The following ENG variants were observed in gnomAD, a reference collection of about 807,000 sequenced individuals.
The protein encoded by ENG is CD105 antigen.
Under a neutral mutation model 71.0 loss-of-function variants are expected in ENG, and 17 were observed. The observed-to-expected ratio is 0.24, with a 90% CI of 0.16 to 0.36. The LOEUF is 0.36. ENG is among the 10% of genes least tolerant of loss of function. The pLI, the probability that ENG is intolerant of heterozygous loss-of-function variation, is 1.00. For synonymous variants in ENG, 360 were observed against 366.9 expected (o/e 0.98, Z 0.21); for missense variants, 749 against 868.3 (o/e 0.86, Z 1.73).
chr9:127,839,413 AG>A (rs1030039972), intron 2 of ENG, among the ~76,000 whole-genome samples: 1 of 152,156 alleles, frequency 6.6e-6, no homozygotes. Flanking sequence ...TCACAGCAGT[AG>A]GGGCTGGCAG....
intron 2 of ENG, among the ~76,000 whole-genome samples, chr9:127,830,660 A>G (rs1186516651): frequency 2.0e-5 from 3 of 151,708 alleles, no homozygotes; most frequent in Admixed American, 1.3e-4. Flanking sequence ...AAAAAAAAAC[A>G]AAAAACAAAC....
Position 127,827,988 on chromosome 9 carries a change from C to T in ENG, c.361-1316G>A, listed in dbSNP as rs184360988. ...GAGGCGAGATGGGGCCATTGCACTC[C>T]AGCCTGGGCAACAAGAGTGAAACTC... On this transcript the variant is annotated intron_variant, in intron 3 of 14. Transcript: ENST00000373203. Among the ~76,000 whole-genome samples, 537 of 133,224 alleles carry T rather than the reference C, an allele frequency of 4.0e-3. 6 individuals are homozygous for T. The highest frequency in any genetic ancestry group is 0.015 in the African/African-American group (514 of 33,316). The allele number at this position is 133,224 out of a possible 152,430, so 87.4% of individuals were successfully genotyped here. A position where few individuals can be genotyped will look rare whatever the true frequency, so the allele number is the denominator to read the frequency against.
At chr9:127,817,362 G>C (rs895992632) in intron 12 of ENG, 159 bp from the exon 13 acceptor site, 14 of 752,608 alleles carry the variant, frequency 1.9e-5, no homozygotes, top group African/African-American at 3.5e-5. Context: ...TGGAAGATCT[G>C]TGCTGTGGGA....
chr9:127,831,024 A>G (rs1015858888), intron 2 of ENG, among the ~76,000 whole-genome samples: 7 of 152,168 alleles, frequency 4.6e-5, no homozygotes, highest in African/African-American at 1.7e-4. Context: ...AATGATGTAT[A>G]CATTTAGAAT....
rs1296579978 is a variant in ENG at position 127,838,545 on chromosome 9, G to C, written c.219+4549C>G. Among the ~76,000 whole-genome samples the C allele has an allele frequency of 1.3e-5, 2 of 152,204 alleles. No homozygotes were observed. The highest frequency in any genetic ancestry group is 2.4e-5 in the African/African-American group (1 of 41,464). ...CAAGAGTGAGTCAGTGCTGGGGCCTGACAGGCTGTGTCTGTTCAGGGGTGG... is the reference window on the plus strand; with the variant it reads ...CAAGAGTGAGTCAGTGCTGGGGCCTCACAGGCTGTGTCTGTTCAGGGGTGG... On this transcript the variant is annotated intron_variant, in intron 2 of 14. Transcript: ENST00000373203. This position sits in a 1 kb window ranked among gnomAD's most constrained non-coding sequence, Gnocchi z 4.3.
rs942465585 is a variant in ENG, at chr9:127,824,825, A to C, written c.966T>G (p.Ile322Met). 1.3e-6 allele frequency: 2 copies of C among 1,583,960 alleles called. No homozygotes were observed. Among genetic ancestry groups the C allele is most frequent in the Non-Finnish European group, 1.7e-6 (2 of 1,165,236 alleles). Residue 322 changes from isoleucine to methionine, a missense_variant, in exon 7 of 15, where the codon ATT (isoleucine) becomes ATG (methionine). Coordinates refer to ENST00000373203, the MANE Select transcript of ENG (RefSeq NM_001114753.3). ...CGCAGCTGGAGGCATGAAGTGAGAC[A>C]ATGCTGGCCAGCGGTAGCTCCACGA... ...ASFVELPLAS[I>M]VSLHASSCGG...
chr9:127,834,956 T>A (rs1435203264), intron 2 of ENG, among the ~76,000 whole-genome samples: 1 of 151,892 alleles, frequency 6.6e-6, no homozygotes, highest in African/African-American at 2.4e-5. Flanking sequence ...TAACTTTTGG[T>A]TTTCAAAATA....
chr9:127,831,159 A>ATTT (rs548554493), intron 2 of ENG, among the ~76,000 whole-genome samples: 32 of 132,960 alleles, frequency 2.4e-4, no homozygotes, highest in African/African-American at 6.9e-4. Context: ...CGTAAATACC[A>ATTT]TTTTTTTTTT....
chr9:127,831,449 G>A (rs1317690323), intron 2 of ENG, among the ~76,000 whole-genome samples: 1 of 151,268 alleles, frequency 6.6e-6, no homozygotes, highest in East Asian at 1.9e-4. Flanking sequence ...GTGCAATGGG[G>A]CGATCTTGGC....
intron 3 of ENG, among the ~76,000 whole-genome samples, chr9:127,828,019 C>CAAA (rs997493323): frequency 1.8e-3 from 55 of 31,108 alleles, no homozygotes; most frequent in Non-Finnish European, 1.9e-3. Flanking sequence ...AACTCCATCT[C>CAAA]AAAAAAAAAA....
intron 3 of ENG, among the ~76,000 whole-genome samples, chr9:127,828,790 C>G (rs369839561): frequency 1.7e-4 from 26 of 152,136 alleles, no homozygotes; most frequent in African/African-American, 5.8e-4. Flanking sequence ...CCCTGTCCCC[C>G]ACGCCCAACT....
At chr9:127,820,861 C>T (rs1830453183) in intron 8 of ENG, among the ~76,000 whole-genome samples, 1 of 151,788 alleles carries the variant, frequency 6.6e-6, no homozygotes, top group Non-Finnish European at 1.5e-5. Flanking sequence ...TATATTCCTT[C>T]AAGTTCCACA....
chr9:127,844,516 A>G (rs982482102), intron 1 of ENG, among the ~76,000 whole-genome samples: 2 of 100,692 alleles, frequency 2.0e-5, no homozygotes, highest in African/African-American at 6.0e-5. Context: ...CTCAGCCTCA[A>G]CCTCCCAGGC....
chr9:127,826,093 T>A (rs1830609590), intron 4 of ENG, among the ~76,000 whole-genome samples: 1 of 152,170 alleles, frequency 6.6e-6, no homozygotes, highest in African/African-American at 2.4e-5. Flanking sequence ...CCATGACACA[T>A]GTTAGGCTGC....
chr9:127,824,770 G>A (rs772189115), intron 7 of ENG, 30 bp downstream of exon 7: 1 of 1,510,916 alleles, frequency 6.6e-7, no homozygotes, highest in East Asian at 2.3e-5. Flanking sequence ...GGAGGGGAAG[G>A]GAAGGGAGGG....
In ENG at chr9:127,846,655, C is replaced by A. The variant is rs535879835; in HGVS notation, c.68-3410G>T. On this transcript the variant is annotated intron_variant, in intron 1 of 14. Transcript: ENST00000373203. This position sits in a 1 kb window ranked among gnomAD's most constrained non-coding sequence, Gnocchi z 5.5. Reference sequence around the variant, plus strand: ...TTTTGGGGCCTTTTCGAATCCTGGCCGCCCCCACCCCGCAGACGAGAATGG... The same window carrying A: ...TTTTGGGGCCTTTTCGAATCCTGGCAGCCCCCACCCCGCAGACGAGAATGG... 3.3e-5 allele frequency among the ~76,000 whole-genome samples: 5 copies of A among 152,216 alleles called. No individual in the cohort carries two copies. Among genetic ancestry groups the A allele is most frequent in the African/African-American group, 9.6e-5 (4 of 41,528 alleles).
chr9:127,837,231 C>T (rs1344021112), intron 2 of ENG, among the ~76,000 whole-genome samples: 1 of 152,140 alleles, frequency 6.6e-6, no homozygotes, highest in Admixed American at 6.5e-5. Flanking sequence ...AGCCATGCCT[C>T]GCTGTGGCAT....
chr9:127,819,899 C>G lies in ENG; in HGVS notation c.1272+1G>C, dbSNP rs773073663. ...GATACCTTTTTGGCCCCAGCTCTTA[C>G]CTCATTGCTGATCATACTTGCTGAC... On this transcript the variant is annotated splice_donor_variant, in intron 9 of 14. Coordinates refer to ENST00000373203, the MANE Select transcript of ENG (RefSeq NM_001114753.3). LOFTEE classifies it high-confidence loss of function. The G allele has an allele frequency of 6.2e-7, 1 of 1,614,240 alleles. No individual in the cohort carries two copies. Among genetic ancestry groups the G allele is most frequent in the South Asian group, 1.1e-5 (1 of 91,090 alleles).
At chr9:127,817,894 T>C (rs1247963050) in intron 12 of ENG, 5 of 620,032 alleles carry the variant, frequency 8.1e-6, no homozygotes, top group Non-Finnish European at 1.1e-5. Flanking sequence ...AGATGGACAG[T>C]GGCAGCTGCA....
Sources: gnomAD v4.1 joint callset for allele counts (sites outside exome capture counted in the v4.1 genomes callset) on GRCh38, gnomAD v4.1.1 for gene constraint, Gnocchi (gnomAD v3.1) non-coding constraint, MANE v1.5 for transcripts, NCBI Gene and HGNC (gene_info 2026-07-23, HGNC 2026-07-21) for gene names.